The following CERKL variants were observed in gnomAD, a reference collection of about 807,000 sequenced individuals.
CERKL encodes CERK like autophagy regulator.
CERKL carries 61 observed loss-of-function variants against 63.4 expected under a neutral mutation model. The observed-to-expected ratio is 0.96, with a 90% CI of 0.78 to 1.19. CERKL has a LOEUF of 1.19. Ranked by LOEUF, CERKL falls within the 50% of genes most tolerant of loss-of-function variation. The pLI is 0.00. For missense variants in CERKL, 675 were observed against 655.5 expected, an observed-to-expected ratio of 1.03 and a Z score of -0.33; for synonymous variants, 250 against 230.5, an observed-to-expected ratio of 1.08 and a Z score of -0.77.
At chr2:181,637,222 AT>A (rs1300493464) in intron 1 of CERKL, among the ~76,000 whole-genome samples, 1 of 152,174 alleles carries the variant, frequency 6.6e-6, no homozygotes, top group Admixed American at 6.5e-5. Flanking sequence ...TTTTGAAAGA[AT>A]TTGGTAATAT....
chr2:181,557,379 A>T (rs1414813299), intron 5 of CERKL, among the ~76,000 whole-genome samples: 1 of 152,156 alleles, frequency 6.6e-6, no homozygotes, highest in African/African-American at 2.4e-5. Context: ...TTTAAGTCTA[A>T]TGTTTAAGTC....
intron 1 of CERKL, among the ~76,000 whole-genome samples, chr2:181,618,835 G>C (rs911210209): frequency 6.6e-6 from 1 of 151,912 alleles, no homozygotes; most frequent in African/African-American, 2.4e-5. Context: ...AGTATAAAAG[G>C]GTTCCAAGAC....
chr2:181,604,294 C>A (rs373528092), intron 1 of CERKL, among the ~76,000 whole-genome samples: 3 of 151,770 alleles, frequency 2.0e-5, no homozygotes, highest in East Asian at 1.9e-4. Context: ...GCACGTGTAC[C>A]CCAGAACCTA....
chr2:181,587,551 TA>T (rs1406893743), intron 2 of CERKL, among the ~76,000 whole-genome samples: 12 of 152,288 alleles, frequency 7.9e-5, no homozygotes, highest in African/African-American at 2.9e-4. Flanking sequence ...TCACTTTTCC[TA>T]ATTAAAAATC....
chr2:181,609,831 T>G (rs985306217), intron 1 of CERKL, among the ~76,000 whole-genome samples: 2 of 152,134 alleles, frequency 1.3e-5, no homozygotes, highest in Non-Finnish European at 2.9e-5. Context: ...ATTACACATT[T>G]AAAAATTCAC....
chr2:181,642,173 G>A (rs1166915561), intron 1 of CERKL, among the ~76,000 whole-genome samples: 2 of 152,132 alleles, frequency 1.3e-5, no homozygotes, highest in African/African-American at 2.4e-5. Flanking sequence ...ATGAATCAAA[G>A]CATCATGTTT....
At chr2:181,617,292 AG>A (rs1341046651) in intron 1 of CERKL, 1 of 152,238 alleles carries the variant, frequency 6.6e-6, no homozygotes. Context: ...GGTTTGCTCC[AG>A]GAGAAACACT....
At chr2:181,615,698 G>A (rs1293187719) in intron 1 of CERKL, among the ~76,000 whole-genome samples, 1 of 152,170 alleles carries the variant, frequency 6.6e-6, no homozygotes, top group Admixed American at 6.5e-5. Context: ...ACCACATACT[G>A]AGATAAATCT....
chr2:181,625,190 G>A (rs1686630078), intron 1 of CERKL, among the ~76,000 whole-genome samples: 1 of 152,272 alleles, frequency 6.6e-6, no homozygotes. Flanking sequence ...GCTGTATCAA[G>A]GAGCATAGTG....
At position 181,537,225 on chromosome 2, in the gene CERKL, AG is replaced by A. The variant is rs1310916547; in HGVS notation, c.*958del. ...GCCCCGATTTAGAACTGTCTTCTCC[AG>A]GATGGTCTCTAAGGAAATTTACATT... On this transcript the variant is annotated 3_prime_UTR_variant, in exon 13 of 13. Coordinates refer to ENST00000410087, the MANE Select transcript of CERKL (RefSeq NM_201548.5). 2.2e-6 allele frequency: 1 copy of A among 452,980 alleles called. No homozygotes were observed. Among genetic ancestry groups the A allele is most frequent in the Non-Finnish European group, 4.4e-6 (1 of 225,968 alleles). The allele number at this position is 452,980 out of a possible 1,614,324, so 28.1% of individuals were successfully genotyped here.
intron 1 of CERKL, among the ~76,000 whole-genome samples, chr2:181,633,868 CTAAG>C (rs1482764287): frequency 6.6e-6 from 1 of 152,082 alleles, no homozygotes; most frequent in Non-Finnish European, 1.5e-5. Flanking sequence ...ATCAAAGAAA[CTAAG>C]TAAGATTAGC....
intron 5 of CERKL, among the ~76,000 whole-genome samples, chr2:181,557,198 C>T (rs1688250488): frequency 6.6e-6 from 1 of 152,084 alleles, no homozygotes; most frequent in Admixed American, 6.6e-5. Context: ...GTTGCCTGTT[C>T]ACTCTGATGG....
intron 1 of CERKL, among the ~76,000 whole-genome samples, 154 bp downstream of exon 1, chr2:181,656,615 G>A (rs1688168131): frequency 6.6e-6 from 1 of 152,064 alleles, no homozygotes; most frequent in Non-Finnish European, 1.5e-5. Flanking sequence ...CGGCGACTTG[G>A]GGACTCGGTA....
intron 2 of CERKL, among the ~76,000 whole-genome samples, chr2:181,596,627 T>A (rs556662529): frequency 6.6e-6 from 1 of 152,328 alleles, no homozygotes; most frequent in East Asian, 1.9e-4. Flanking sequence ...TTGCTTAACT[T>A]TTAATAATAT....
chr2:181,617,081 C>T (rs893675292), intron 1 of CERKL, among the ~76,000 whole-genome samples: 3 of 152,124 alleles, frequency 2.0e-5, no homozygotes, highest in African/African-American at 7.2e-5. Context: ...CAAGGTGGAG[C>T]ACCAAATTTT....
At position 181,573,758 on chromosome 2, in the gene CERKL, A is replaced by C. The variant is rs1689008063; in HGVS notation, c.608T>G (p.Val203Gly). Residue 203 changes from valine to glycine, a missense_variant, in exon 3 of 13, where the codon GTA (valine) becomes GGA (glycine). Val to Gly is a moderately radical substitution (Grantham distance 109). Transcript: ENST00000410087. ...ATATTCTGAAAATTACTTACTTGTT[A>C]CATCAGTTTTTATTCCTGCAAGCTT... ...LLKLAGIKTD[V>G]TIMEYEGHAL... 6.2e-7 allele frequency: 1 copy of C among 1,611,828 alleles called. No individual in the cohort carries two copies. Among genetic ancestry groups the C allele is most frequent in the Non-Finnish European group, 8.5e-7 (1 of 1,178,492 alleles).
chr2:181,598,043 C>A (rs529281137), intron 2 of CERKL, among the ~76,000 whole-genome samples: 1 of 152,152 alleles, frequency 6.6e-6, no homozygotes, highest in Admixed American at 6.5e-5. Context: ...CCACCCCACA[C>A]GCTGTTGAAG....
intron 2 of CERKL, among the ~76,000 whole-genome samples, chr2:181,586,072 A>G (rs1406926324): frequency 6.6e-6 from 1 of 152,152 alleles, no homozygotes; most frequent in Admixed American, 6.6e-5. Context: ...GATGCAGTAA[A>G]CCTATCTCCC....
intron 1 of CERKL, among the ~76,000 whole-genome samples, chr2:181,622,892 T>C (rs1466342484): frequency 6.6e-6 from 1 of 152,216 alleles, no homozygotes; most frequent in African/African-American, 2.4e-5. Context: ...ACATAAAATC[T>C]TTCTTACTGG....
Sources: allele counts gnomAD v4.1 joint callset (sites outside exome capture counted in the v4.1 genomes callset), GRCh38; gene constraint gnomAD v4.1.1; transcripts MANE v1.5; gene names NCBI Gene and HGNC (gene_info 2026-07-23, HGNC 2026-07-21).